The following DENND4A variants were observed in gnomAD, a reference collection of about 807,000 sequenced individuals.
The protein encoded by DENND4A is DENN domain containing 4A.
Under a neutral mutation model 199.3 loss-of-function variants are expected in DENND4A, and 70 were observed. That is an observed-to-expected ratio of 0.35 (90% CI 0.29 to 0.43). DENND4A has a LOEUF of 0.43. Ranked by LOEUF, DENND4A falls within the 20% of genes least tolerant of loss-of-function variation. The probability of loss-of-function intolerance (pLI) is 1.00; values close to 1 mark genes in which losing one functional copy is unlikely to be tolerated. For missense variants in DENND4A, 1,723 were observed against 2,255.8 expected (o/e 0.76, Z 4.78); for synonymous variants, 686 against 766.9 (o/e 0.89, Z 1.74).
chr15:65,789,370 A>G (rs2077654610), intron 1 of DENND4A, among the ~76,000 whole-genome samples: 1 of 152,134 alleles, frequency 6.6e-6, no homozygotes, highest in Admixed American at 6.5e-5. Flanking sequence ...TCTTAAAAGT[A>G]CATTTCTACA....
chr15:65,748,886 G>C (rs1248084402), intron 4 of DENND4A, among the ~76,000 whole-genome samples: 1 of 150,978 alleles, frequency 6.6e-6, no homozygotes, highest in Non-Finnish European at 1.5e-5. Context: ...TGAGCTGCTC[G>C]AGAGGCCAAA....
chr15:65,753,796 TATA>T (rs1441533031), intron 3 of DENND4A: 1 of 151,802 alleles, frequency 6.6e-6, no homozygotes, highest in Non-Finnish European at 1.5e-5. Context: ...ACAAATAAAA[TATA>T]ATGCCAAAAA....
chr15:65,777,159 C>A (rs960686519), intron 1 of DENND4A, among the ~76,000 whole-genome samples: 1 of 152,048 alleles, frequency 6.6e-6, no homozygotes, highest in Non-Finnish European at 1.5e-5. Context: ...CAGAGTAAGA[C>A]GCTGTCTCAA....
intron 1 of DENND4A, among the ~76,000 whole-genome samples, chr15:65,778,816 C>G (rs1207662281): frequency 6.6e-6 from 1 of 151,336 alleles, no homozygotes; most frequent in African/African-American, 2.4e-5. Flanking sequence ...ATCGCTTGAA[C>G]CCAGGAAGCA....
In DENND4A at chr15:65,790,294, C is replaced by CA. The variant is rs1319697890; in HGVS notation, c.-102+1715dup. Among the ~76,000 whole-genome samples, 13 of 152,216 alleles carry CA rather than the reference C, an allele frequency of 8.5e-5. No individual in the cohort carries two copies. The South Asian group carries it at 2.5e-3, about 29-fold the overall frequency. On this transcript the variant is annotated intron_variant, in intron 1 of 32. Coordinates refer to ENST00000443035, the MANE Select transcript of DENND4A (RefSeq NM_001320835.1). ...CAACTTCCTGGCTCTCTTGCACAGA[C>CA]AAAAAATTCATATTGCTTCACCAAT...
At position 65,765,593 on chromosome 15, in the gene DENND4A, T is replaced by C. The variant is rs547837737; in HGVS notation, c.-101-4155A>G. Among the ~76,000 whole-genome samples, 8 of 152,318 alleles carry C rather than the reference T, an allele frequency of 5.3e-5. No individual in the cohort carries two copies. In the South Asian group the frequency reaches 8.3e-4, roughly 16 times the overall value. ...ACCTGTCTCATCCTGATTTCCCCAG[T>C]TTTATTTGTATTCATCTGTGTGTGT... On this transcript the variant is annotated intron_variant, in intron 1 of 32. Transcript: ENST00000443035.
At chr15:65,755,727 T>C (rs768978338) in intron 3 of DENND4A, among the ~76,000 whole-genome samples, 13 of 152,280 alleles carry the variant, frequency 8.5e-5, no homozygotes, top group African/African-American at 2.2e-4. Flanking sequence ...GATCATGCCA[T>C]TGCACTCCAG....
intron 2 of DENND4A, among the ~76,000 whole-genome samples, chr15:65,760,304 C>A (rs1252458697): frequency 6.6e-6 from 1 of 152,012 alleles, no homozygotes; most frequent in Non-Finnish European, 1.5e-5. Flanking sequence ...CGAGACCAGG[C>A]TGGCTAACAC....
chr15:65,746,752 T>C (rs796435338), intron 4 of DENND4A, among the ~76,000 whole-genome samples: 11 of 151,654 alleles, frequency 7.3e-5, no homozygotes, highest in African/African-American at 2.4e-4. Context: ...ACAAGAGCCA[T>C]GTGGAAAGAG....
In DENND4A at chr15:65,675,108, T is replaced by C. The variant is rs79528696; in HGVS notation, c.4369+1337A>G. 2.5e-3 allele frequency among the ~76,000 whole-genome samples: 387 copies of C among 152,342 alleles called. 1 individual carries two copies. The highest frequency in any genetic ancestry group is 4.3e-3 in the Non-Finnish European group (295 of 68,020). On this transcript the variant is annotated intron_variant, in intron 24 of 32. Transcript: ENST00000443035. ...TCTTCATACCATTAACCAGGATAAC[T>C]TTCTATGGATCAAATATCTAAATCA...
intron 1 of DENND4A, among the ~76,000 whole-genome samples, chr15:65,791,193 G>A (rs1221347988): frequency 6.6e-6 from 1 of 152,084 alleles, no homozygotes; most frequent in Non-Finnish European, 1.5e-5. Flanking sequence ...TCCTGCTGTT[G>A]CAAACAAGAA....
At chr15:65,736,611 T>C (rs1035882629) in intron 7 of DENND4A, among the ~76,000 whole-genome samples, 2 of 152,010 alleles carry the variant, frequency 1.3e-5, no homozygotes, top group African/African-American at 4.8e-5. Context: ...CTACTACAGT[T>C]TTAGATTGCA....
intron 15 of DENND4A, among the ~76,000 whole-genome samples, chr15:65,704,569 CT>C (rs2074983786): frequency 6.6e-6 from 1 of 151,974 alleles, no homozygotes; most frequent in Non-Finnish European, 1.5e-5. Flanking sequence ...GAGATAAGGT[CT>C]TGCTATGTTG....
At chr15:65,676,684 A>C in intron 23 of DENND4A, 50 bp from the exon 24 acceptor site, 1 of 1,452,010 alleles carries the variant, frequency 6.9e-7, no homozygotes, top group Non-Finnish European at 9.2e-7. Context: ...AAGGTAATTA[A>C]TTAAAAAGTC....
chr15:65,714,216 CCTGG>C, intron 14 of DENND4A, among the ~76,000 whole-genome samples: 1 of 152,068 alleles, frequency 6.6e-6, no homozygotes, highest in East Asian at 1.9e-4. Flanking sequence ...TCAAGACCAT[CCTGG>C]CTAACACAGT....
chr15:65,756,072 T>C (rs2076693168), intron 3 of DENND4A, 68 bp downstream of exon 3: 2 of 1,348,448 alleles, frequency 1.5e-6, no homozygotes, highest in African/African-American at 2.9e-5. Flanking sequence ...GAATGAACAG[T>C]TAATCTCCAA....
rs1290274172 is a variant in DENND4A at position 65,715,445 on chromosome 15, AAGTT to A, written c.1953+29_1953+32del. 2.6e-6 allele frequency: 4 copies of A among 1,563,826 alleles called. No homozygotes were observed. In the African/African-American group the frequency reaches 5.5e-5, roughly 22 times the overall value. ...AACATTTATAACAGTCACACAAAAT[AAGTT>A]AGGGCATTGTAGATGTACTGTTACT... On this transcript the variant is annotated intron_variant, in intron 14 of 32. Coordinates refer to ENST00000443035, the MANE Select transcript of DENND4A (RefSeq NM_001320835.1).
intron 11 of DENND4A, among the ~76,000 whole-genome samples, chr15:65,725,319 C>T (rs1212050965): frequency 6.6e-6 from 1 of 152,150 alleles, no homozygotes; most frequent in Admixed American, 6.5e-5. Flanking sequence ...ACAACATAAG[C>T]TATATGCCCT....
Position 65,759,146 on chromosome 15 carries a change from C to G in DENND4A, c.-23+2214G>C, listed in dbSNP as rs138505741. Among the ~76,000 whole-genome samples, 703 of 152,220 alleles carry G rather than the reference C, an allele frequency of 4.6e-3. 7 individuals are homozygous for G. Among genetic ancestry groups the G allele is most frequent in the African/African-American group, 0.016 (679 of 41,540 alleles). On this transcript the variant is annotated intron_variant, in intron 2 of 32. Transcript: ENST00000443035. ...CACATTTCTTGGAATCTGTATTCAT[C>G]ACTCAAATATACTCTAAGTATTCCC...
Sources: allele counts gnomAD v4.1 joint callset (sites outside exome capture counted in the v4.1 genomes callset), GRCh38; gene constraint gnomAD v4.1.1; transcripts MANE v1.5; gene names NCBI Gene and HGNC (gene_info 2026-07-23, HGNC 2026-07-21).